Variants in PLEKHM3 observed in about 807,000 individuals in gnomAD.
PLEKHM3 encodes pleckstrin homology domain-containing family M member 3.
PLEKHM3 carries 45 observed loss-of-function variants against 81.8 expected under a neutral mutation model. The ratio of observed to expected loss-of-function variants is 0.55; its 90% CI spans 0.43 to 0.71. The LOEUF is 0.71. PLEKHM3 is among the 30% of genes least tolerant of loss of function. PLEKHM3 has a pLI of 0.00. For synonymous variants in PLEKHM3, 352 were observed against 356.4 expected (o/e 0.99, Z 0.14); for missense variants, 788 against 924.3 (o/e 0.85, Z 1.91).
chr2:207,934,473 A>T (rs1484005630), intron 4 of PLEKHM3, among the ~76,000 whole-genome samples: 2 of 152,194 alleles, frequency 1.3e-5, no homozygotes, highest in Non-Finnish European at 1.5e-5. Flanking sequence ...TTCTATTCAT[A>T]TGAACGAATT....
chr2:207,841,889 A>AT (rs1400411673), intron 7 of PLEKHM3, among the ~76,000 whole-genome samples: 2 of 152,160 alleles, frequency 1.3e-5, no homozygotes, highest in African/African-American at 4.8e-5. Context: ...GTTAAATTCT[A>AT]TATAATTCTA....
At chr2:207,930,634 T>C (rs1689558643) in intron 5 of PLEKHM3, among the ~76,000 whole-genome samples, 1 of 152,168 alleles carries the variant, frequency 6.6e-6, no homozygotes. Flanking sequence ...TTATCTCAAA[T>C]TAACATATTG....
At chr2:207,954,209 A>G (rs749928015) in intron 3 of PLEKHM3, among the ~76,000 whole-genome samples, 10 of 152,142 alleles carry the variant, frequency 6.6e-5, no homozygotes, top group Non-Finnish European at 1.2e-4. Flanking sequence ...CTAAAAAATT[A>G]GCCAGGTGTG....
At chr2:207,857,080 T>C (rs2092440865) in intron 7 of PLEKHM3, among the ~76,000 whole-genome samples, 1 of 152,210 alleles carries the variant, frequency 6.6e-6, no homozygotes, top group Admixed American at 6.5e-5. Flanking sequence ...GACAGTGCTG[T>C]TGAGTTTAAC....
intron 5 of PLEKHM3, among the ~76,000 whole-genome samples, chr2:207,913,407 A>G (rs1205210466): frequency 6.6e-6 from 1 of 152,208 alleles, no homozygotes; most frequent in Non-Finnish European, 1.5e-5. Context: ...GAGTAGGTTG[A>G]CAGGGAGGAG....
intron 2 of PLEKHM3, among the ~76,000 whole-genome samples, chr2:207,989,203 C>G (rs1691817900): frequency 6.6e-6 from 1 of 152,306 alleles, no homozygotes; most frequent in South Asian, 2.1e-4. Flanking sequence ...GATACCAAAC[C>G]AATCAGACAC....
At chr2:207,908,959 G>C (rs1202685801) in intron 5 of PLEKHM3, among the ~76,000 whole-genome samples, 1 of 152,046 alleles carries the variant, frequency 6.6e-6, no homozygotes, top group African/African-American at 2.4e-5. Flanking sequence ...GAATGAGGGT[G>C]GTTTAATGTG....
At chr2:207,995,119 A>T (rs1692027507) in intron 2 of PLEKHM3, among the ~76,000 whole-genome samples, 1 of 152,220 alleles carries the variant, frequency 6.6e-6, no homozygotes, top group Non-Finnish European at 1.5e-5. Context: ...TGGCATGCTA[A>T]CATTAAAGAG....
intron 5 of PLEKHM3, chr2:207,930,046 A>G (rs1689535611): frequency 1.8e-6 from 1 of 548,272 alleles, no homozygotes; most frequent in South Asian, 2.7e-5. Context: ...GAGACTTTAA[A>G]TGCCTATAAA....
At position 207,825,966 on chromosome 2, in the gene PLEKHM3, ACT is replaced by A. The variant is rs1458198068; in HGVS notation, c.*2351_*2352del. 1 of 152,110 alleles carries A rather than the reference ACT, an allele frequency of 6.6e-6. No homozygotes were observed. Among genetic ancestry groups the A allele is most frequent in the Non-Finnish European group, 1.5e-5 (1 of 68,022 alleles). The allele number at this position is 152,110 out of a possible 1,614,324, so 9.4% of individuals were successfully genotyped here. ...ACGGGGATCCAGAATTTCGCCCTTG[ACT>A]CTCGGCAGGTATGACCCTGGGTGCC... On this transcript the variant is annotated 3_prime_UTR_variant, in exon 8 of 8. Coordinates refer to ENST00000427836, the MANE Select transcript of PLEKHM3 (RefSeq NM_001080475.3).
At chr2:207,895,294 C>A (rs1378841308) in intron 6 of PLEKHM3, among the ~76,000 whole-genome samples, 1 of 152,222 alleles carries the variant, frequency 6.6e-6, no homozygotes, top group Non-Finnish European at 1.5e-5. Context: ...ATGGAGCAAA[C>A]AGGCTGAGGA....
intron 1 of PLEKHM3, among the ~76,000 whole-genome samples, chr2:208,008,495 C>T (rs1256967341): frequency 6.3e-5 from 2 of 31,646 alleles, no homozygotes; most frequent in African/African-American, 2.4e-4. Context: ...TAAATACTAA[C>T]CTTGCCAAAA....
intron 1 of PLEKHM3, among the ~76,000 whole-genome samples, 160 bp from the exon 2 acceptor site, chr2:208,002,117 T>A (rs913825146): frequency 2.0e-5 from 3 of 152,164 alleles, no homozygotes; most frequent in African/African-American, 4.8e-5. Context: ...GGAATACATA[T>A]CACTACCCGC....
intron 6 of PLEKHM3, among the ~76,000 whole-genome samples, chr2:207,863,679 C>T (rs1241322641): frequency 2.6e-5 from 4 of 152,032 alleles, no homozygotes; most frequent in Non-Finnish European, 5.9e-5. Flanking sequence ...GTCCACCGAC[C>T]CGGTCTTTAT....
intron 7 of PLEKHM3, among the ~76,000 whole-genome samples, chr2:207,832,080 T>A (rs1156656846): frequency 6.6e-6 from 1 of 152,160 alleles, no homozygotes; most frequent in African/African-American, 2.4e-5. Flanking sequence ...ATATTTCTGG[T>A]GCAGCAAACA....
chr2:207,925,635 C>G (rs1689368341), intron 5 of PLEKHM3, among the ~76,000 whole-genome samples: 1 of 152,148 alleles, frequency 6.6e-6, no homozygotes, highest in Non-Finnish European at 1.5e-5. Flanking sequence ...TAAACCACCT[C>G]CATTTGTGTC....
chr2:208,023,150 C>CT lies in PLEKHM3; in HGVS notation c.-319+2238dup, dbSNP rs550456484. ...ATAATATGAAATTTACCATATTAAC[C>CT]TTTTTTTTTTTTATGACATGGTCTT... On this transcript the variant is annotated intron_variant, in intron 1 of 7. Transcript: ENST00000427836. Among the ~76,000 whole-genome samples the CT allele has an allele frequency of 1.5e-3, 215 of 143,886 alleles. 2 individuals are homozygous for CT. In the East Asian group the frequency reaches 0.018, roughly 12 times the overall value. 94.4% of individuals were successfully genotyped at this position (143,886 alleles called of 152,430 possible). A position where few individuals can be genotyped will look rare whatever the true frequency, so the allele number is the denominator to read the frequency against.
At chr2:207,891,370 C>T (rs1290711428) in intron 6 of PLEKHM3, among the ~76,000 whole-genome samples, 2 of 152,210 alleles carry the variant, frequency 1.3e-5, no homozygotes, top group South Asian at 2.1e-4. Context: ...CTTAACCTCA[C>T]AACCTTGTGA....
intron 3 of PLEKHM3, among the ~76,000 whole-genome samples, chr2:207,973,333 C>G (rs1357462793): frequency 6.6e-6 from 1 of 152,172 alleles, no homozygotes; most frequent in Non-Finnish European, 1.5e-5. Context: ...GAACAGTCTC[C>G]CAGGTAATTT....
Sources: allele counts gnomAD v4.1 joint callset (sites outside exome capture counted in the v4.1 genomes callset), GRCh38; gene constraint gnomAD v4.1.1; transcripts MANE v1.5; gene names NCBI Gene and HGNC (gene_info 2026-07-23, HGNC 2026-07-21).